DMD: variants seen among roughly 807,000 people sequenced by gnomAD.
DMD encodes dystrophin, also known as mutant dystrophin.
DMD carries 63 observed loss-of-function variants against 330.1 expected under a neutral mutation model. The observed-to-expected ratio is 0.19, with a 90% CI of 0.16 to 0.24. The LOEUF (loss-of-function observed/expected upper bound fraction) is 0.24. DMD is among the 10% of genes least tolerant of loss of function. The pLI, the probability that DMD is intolerant of heterozygous loss-of-function variation, is 1.00. For synonymous variants in DMD, 1,223 were observed against 959.8 expected (o/e 1.27, Z -5.07); for missense variants, 3,344 against 2,684.1 (o/e 1.25, Z -5.43).
At chrX:32,547,257 CTTAAA>C (rs1044953320) in intron 16 of DMD, among the ~76,000 whole-genome samples, 6 of 111,230 alleles carry the variant, frequency 5.4e-5, no homozygotes, top group East Asian at 2.8e-4. Context: ...AAATTTGACT[CTTAAA>C]TTAATTTCTG....
intron 44 of DMD, among the ~76,000 whole-genome samples, chrX:32,125,752 C>T (rs759841173): frequency 8.9e-5 from 10 of 111,909 alleles, no homozygotes; most frequent in Non-Finnish European, 1.7e-4. Context: ...TCTAACCACT[C>T]ACTGTGTAGA....
At chrX:32,859,961 C>T (rs1014496282) in intron 2 of DMD, among the ~76,000 whole-genome samples, 4 of 111,682 alleles carry the variant, frequency 3.6e-5, no homozygotes, top group African/African-American at 1.3e-4. Context: ...TAAGATTTCC[C>T]TTATCAAGTG....
intron 17 of DMD, among the ~76,000 whole-genome samples, chrX:32,526,885 C>A (rs2046984009): frequency 1.8e-5 from 2 of 111,894 alleles, no homozygotes; most frequent in African/African-American, 6.5e-5. Context: ...TGCCACATAA[C>A]CTATTAAACT....
At chrX:31,723,376 T>C (rs1224617352) in intron 52 of DMD, among the ~76,000 whole-genome samples, 1 of 111,113 alleles carries the variant, frequency 9.0e-6, no homozygotes, top group Non-Finnish European at 1.9e-5. Context: ...ATCAACTCCT[T>C]ATCCTGAGTT....
intron 9 of DMD, among the ~76,000 whole-genome samples, chrX:32,660,102 A>G (rs1211608688): frequency 1.8e-5 from 2 of 111,399 alleles, no homozygotes; most frequent in African/African-American, 6.5e-5. Context: ...CCCATAGACA[A>G]CTAAAGCTTT....
At chrX:32,994,900 C>T (rs1424551869) in intron 2 of DMD, among the ~76,000 whole-genome samples, 1 of 112,230 alleles carries the variant, frequency 8.9e-6, no homozygotes, top group African/African-American at 3.2e-5. Flanking sequence ...ATCACCTGAG[C>T]TATGGAGTCT....
At chrX:32,852,882 A>C in intron 2 of DMD, among the ~76,000 whole-genome samples, 1 of 109,694 alleles carries the variant, frequency 9.1e-6, no homozygotes, top group East Asian at 2.9e-4. Flanking sequence ...AATAGAAGAG[A>C]GCACCAGATA....
intron 17 of DMD, among the ~76,000 whole-genome samples, chrX:32,534,604 T>C (rs1284960398): frequency 9.0e-6 from 1 of 111,378 alleles, no homozygotes; most frequent in Non-Finnish European, 1.9e-5. Context: ...GTCACTCAGT[T>C]GCAGGTATTT....
intron 1 of DMD, among the ~76,000 whole-genome samples, chrX:33,029,924 T>C (rs5927130): frequency 0.029 from 3,209 of 111,343 alleles, 82 homozygotes; most frequent in East Asian, 0.16. Context: ...AAATTGCATG[T>C]GTTAGATACA....
At chrX:33,096,365 G>T (rs2095164733) in intron 1 of DMD, among the ~76,000 whole-genome samples, 1 of 111,827 alleles carries the variant, frequency 8.9e-6, no homozygotes, top group Non-Finnish European at 1.9e-5. Flanking sequence ...TGGCTCTGGA[G>T]ATTTTATAGA....
chrX:31,892,226 GAAAAT>G (rs200470471), intron 47 of DMD, among the ~76,000 whole-genome samples: 1,150 of 111,520 alleles, frequency 0.01, 18 homozygotes, highest in African/African-American at 0.035. Flanking sequence ...AGCAGTGAAA[GAAAAT>G]AAAACAAAAA....
At chrX:32,033,671 AG>A (rs1376012929) in intron 44 of DMD, among the ~76,000 whole-genome samples, 1 of 92,650 alleles carries the variant, frequency 1.1e-5, no homozygotes, top group African/African-American at 4.6e-5. Flanking sequence ...AAAGAAAGAA[AG>A]GAAGGAAAGA....
At chrX:31,869,729 T>C (rs942005655) in intron 48 of DMD, among the ~76,000 whole-genome samples, 22 of 109,938 alleles carry the variant, frequency 2.0e-4, no homozygotes, top group African/African-American at 6.9e-4. Context: ...CCACAGCAAA[T>C]TATGTATAGA....
intron 44 of DMD, among the ~76,000 whole-genome samples, chrX:31,990,055 T>C (rs779885741): frequency 1.2e-4 from 14 of 112,244 alleles, no homozygotes; most frequent in Non-Finnish European, 2.6e-4. Flanking sequence ...AGGGTTTCTT[T>C]ACGCATTCTC....
intron 26 of DMD, among the ~76,000 whole-genome samples, chrX:32,452,897 TTC>T (rs1429633437): frequency 1.8e-5 from 2 of 111,169 alleles, no homozygotes; most frequent in East Asian, 5.7e-4. Flanking sequence ...TCAGGCAGAT[TTC>T]TTTCTCTTCC....
Position 31,760,337 on chromosome X carries a change from G to A in DMD, c.7542+13623C>T, listed in dbSNP as rs1291015829. 4.5e-5 allele frequency among the ~76,000 whole-genome samples: 5 copies of A among 111,963 alleles called. No homozygotes were observed. The East Asian group carries it at 8.4e-4, about 19-fold the overall frequency. ...TAATGAACACAGCTTGATGAGTTTC[G>A]AGATAATTACAGTTATGTGCTGCAT... is the stretch of plus-strand genomic sequence containing the variant. On this transcript the variant is annotated intron_variant, in intron 51 of 78. Transcript: ENST00000357033.
rs148752088 is a variant in DMD at position 33,322,606 on chromosome X, A to G, written c.7+16653T>C. 3.7e-3 allele frequency among the ~76,000 whole-genome samples: 411 copies of G among 111,685 alleles called. 1 individual carries two copies. Among genetic ancestry groups the G allele is most frequent in the African/African-American group, 0.013 (399 of 30,770 alleles). Reference sequence around the variant, plus strand: ...TGAGGGCAGAAATCATTTCTGATTAATCTTTCTATGCTTTCAGTGTTACTA... The same window carrying G: ...TGAGGGCAGAAATCATTTCTGATTAGTCTTTCTATGCTTTCAGTGTTACTA... On this transcript the variant is annotated intron_variant, in intron 1 of 17. Coordinates refer to the DMD transcript ENST00000288447.
At chrX:32,837,944 A>G (rs1479553807) in intron 4 of DMD, among the ~76,000 whole-genome samples, 2 of 111,878 alleles carry the variant, frequency 1.8e-5, no homozygotes, top group African/African-American at 3.2e-5. Context: ...CCAACTTCAT[A>G]GGGAGATTTA....
At chrX:32,447,593 T>A (rs2098310899) in intron 27 of DMD, among the ~76,000 whole-genome samples, 1 of 111,440 alleles carries the variant, frequency 9.0e-6, no homozygotes, top group Non-Finnish European at 1.9e-5. Context: ...ACCCTCAACA[T>A]AGGAAGCAAA....
Sources: allele counts gnomAD v4.1 joint callset (sites outside exome capture counted in the v4.1 genomes callset), GRCh38; gene constraint gnomAD v4.1.1; transcripts MANE v1.5; gene names NCBI Gene and HGNC (gene_info 2026-07-23, HGNC 2026-07-21).